Variants in ITGB8 observed in about 807,000 individuals in gnomAD.
ITGB8 encodes integrin beta-8.
A neutral mutation model predicts 89.5 loss-of-function variants in ITGB8; 30 were observed. That is an observed-to-expected ratio of 0.34 (90% CI 0.25 to 0.45). The LOEUF is 0.45. ITGB8 is among the 20% of genes least tolerant of loss of function. The pLI is 1.00. For missense variants in ITGB8, 836 were observed against 933.3 expected, an observed-to-expected ratio of 0.90 and a Z score of 1.36; for synonymous variants, 335 against 320.4, an observed-to-expected ratio of 1.05 and a Z score of -0.49.
In ITGB8 at chr7:20,331,909, C is replaced by T; in HGVS notation, c.103C>T (p.Leu35Phe). Residue 35 changes from leucine to phenylalanine, a missense_variant, in exon 1 of 14, where the codon CTT becomes TTT. By Grantham distance (22) the Leu-to-Phe change is conservative (BLOSUM62 0). Coordinates refer to ENST00000222573, the MANE Select transcript of ITGB8 (RefSeq NM_002214.3). The part of the protein sequence containing the change: ...SFLWAAWVFS[L>F]VLGLGQGEDN... Reference sequence around the variant, plus strand: ...CCTCTGGGCAGCCTGGGTGTTTTCACTTGTTCTTGGACTGGGCCAAGGTGG... The same window carrying T: ...CCTCTGGGCAGCCTGGGTGTTTTCATTTGTTCTTGGACTGGGCCAAGGTGG... 4 of 1,614,202 alleles carry T rather than the reference C, an allele frequency of 2.5e-6. No homozygotes were observed. Among genetic ancestry groups the T allele is most frequent in the Non-Finnish European group, 3.4e-6 (4 of 1,180,044 alleles).
chr7:20,366,361 T>C (rs552313422), intron 2 of ITGB8: 26 of 152,254 alleles, frequency 1.7e-4, no homozygotes, highest in African/African-American at 5.3e-4. Flanking sequence ...TCTGTGCAAA[T>C]TGCTATGTTT....
In ITGB8 at chr7:20,413,108, T is replaced by A. The variant is rs1787821187; in HGVS notation, c.*3111T>A. 6.6e-6 allele frequency: 1 copy of A among 152,124 alleles called. No homozygotes were observed. Among genetic ancestry groups the A allele is most frequent in the Non-Finnish European group, 1.5e-5 (1 of 67,962 alleles). 9.4% of individuals were successfully genotyped at this position (152,124 alleles called of 1,614,324 possible). On this transcript the variant is annotated 3_prime_UTR_variant, in exon 14 of 14. Coordinates refer to ENST00000222573, the MANE Select transcript of ITGB8 (RefSeq NM_002214.3). The stretch of plus-strand genomic sequence containing the variant: ...ACCATTGCACTGCAGTGCACACGTA[T>A]TTATAAACATTTGTTATATTTTTGG...
rs1787863774 is a variant in ITGB8 at position 20,414,340 on chromosome 7, C to T, written c.*4343C>T. The T allele has an allele frequency of 6.6e-6, 1 of 152,090 alleles. No individual in the cohort carries two copies. The highest frequency in any genetic ancestry group is 1.5e-5 in the Non-Finnish European group (1 of 67,964). The allele number at this position is 152,090 out of a possible 1,614,324, so 9.4% of individuals were successfully genotyped here. On this transcript the variant is annotated 3_prime_UTR_variant, in exon 14 of 14. Coordinates refer to ENST00000222573, the MANE Select transcript of ITGB8 (RefSeq NM_002214.3). Reference sequence around the variant, plus strand: ...AGTTTACAAAAGCTCTTTCAGGTCCCCATTTATACTTTACGTGAGTGCGAA... The same window carrying T: ...AGTTTACAAAAGCTCTTTCAGGTCCTCATTTATACTTTACGTGAGTGCGAA...
At chr7:20,401,174 T>C (rs1166386441) in intron 9 of ITGB8, among the ~76,000 whole-genome samples, 1 of 152,098 alleles carries the variant, frequency 6.6e-6, no homozygotes, top group Non-Finnish European at 1.5e-5. Context: ...AGATAGGGTT[T>C]CACCATGTTG....
chr7:20,382,118 A>G (rs1359231777), intron 6 of ITGB8: 3 of 391,170 alleles, frequency 7.7e-6, no homozygotes, highest in Non-Finnish European at 1.4e-5. Context: ...GATGAATGAC[A>G]AAGCACTGTA....
At chr7:20,396,888 C>A (rs1787104266) in intron 8 of ITGB8, among the ~76,000 whole-genome samples, 1 of 152,064 alleles carries the variant, frequency 6.6e-6, no homozygotes, top group Admixed American at 6.5e-5. Flanking sequence ...TTCTCATCAA[C>A]CGTAAACAGT....
intron 1 of ITGB8, among the ~76,000 whole-genome samples, chr7:20,357,792 C>T (rs1219162184): frequency 6.6e-6 from 1 of 152,196 alleles, no homozygotes; most frequent in Non-Finnish European, 1.5e-5. Context: ...CCTCATCACA[C>T]CTGTTGTCAA....
chr7:20,361,931 C>T (rs1785517143), intron 1 of ITGB8, among the ~76,000 whole-genome samples: 1 of 151,990 alleles, frequency 6.6e-6, no homozygotes, highest in South Asian at 2.1e-4. Flanking sequence ...AAGTTTTGGA[C>T]AATGTATACA....
intron 6 of ITGB8, among the ~76,000 whole-genome samples, chr7:20,382,879 G>A (rs1786457129): frequency 6.6e-6 from 1 of 152,168 alleles, no homozygotes; most frequent in African/African-American, 2.4e-5. Flanking sequence ...TTTTCAAGTT[G>A]ACCAGCTTGG....
intron 3 of ITGB8, among the ~76,000 whole-genome samples, chr7:20,375,840 T>C (rs1278883488): frequency 4.7e-5 from 5 of 105,518 alleles, no homozygotes; most frequent in Non-Finnish European, 9.5e-5. Context: ...CATATAACTG[T>C]TTATAATACC....
rs557642791 is a variant in ITGB8, at chr7:20,414,010, T to C, written c.*4013T>C. 6.6e-6 allele frequency: 1 copy of C among 152,296 alleles called. No individual in the cohort carries two copies. Among genetic ancestry groups the C allele is most frequent in the East Asian group, 1.9e-4 (1 of 5,196 alleles). The allele number at this position is 152,296 out of a possible 1,614,324, so 9.4% of individuals were successfully genotyped here. On this transcript the variant is annotated 3_prime_UTR_variant, in exon 14 of 14. Coordinates refer to ENST00000222573, the MANE Select transcript of ITGB8 (RefSeq NM_002214.3). Reference sequence around the variant, plus strand: ...GCAAATTTTTATGTATAACTGATTATACATATCCATATTTATATTTCATTG... The same window carrying C: ...GCAAATTTTTATGTATAACTGATTACACATATCCATATTTATATTTCATTG...
chr7:20,342,331 A>T (rs973838352), intron 1 of ITGB8, among the ~76,000 whole-genome samples: 1 of 152,190 alleles, frequency 6.6e-6, no homozygotes, highest in African/African-American at 2.4e-5. Flanking sequence ...ATATAGAATT[A>T]CCTCAACGTT....
chr7:20,332,004 G>A (rs1318844116), intron 1 of ITGB8, 71 bp downstream of exon 1: 2 of 1,560,828 alleles, frequency 1.3e-6, no homozygotes, highest in African/African-American at 1.4e-5. Context: ...AGAGCTGCCC[G>A]GCCAGAGCAT....
At position 20,415,647 on chromosome 7, in the gene ITGB8, G is replaced by A. The variant is rs1008876252; in HGVS notation, c.*5650G>A. ...GTGAGATGTTTATTTTTCTAACAGA[G>A]CTTATAACAGTTAGGACAAGGCATT... On this transcript the variant is annotated 3_prime_UTR_variant, in exon 14 of 14. Coordinates refer to ENST00000222573, the MANE Select transcript of ITGB8 (RefSeq NM_002214.3). 2 of 152,524 alleles carry A rather than the reference G, an allele frequency of 1.3e-5. No individual in the cohort carries two copies. Among genetic ancestry groups the A allele is most frequent in the African/African-American group, 4.8e-5 (2 of 41,424 alleles). 9.4% of individuals were successfully genotyped at this position (152,524 alleles called of 1,614,324 possible). A position where few individuals can be genotyped will look rare whatever the true frequency, so the allele number is the denominator to read the frequency against.
intron 8 of ITGB8, among the ~76,000 whole-genome samples, chr7:20,397,387 G>C (rs553804079): frequency 6.6e-6 from 1 of 151,946 alleles, no homozygotes; most frequent in Non-Finnish European, 1.5e-5. Context: ...ACGCACACCC[G>C]GCTAATTTTT....
At chr7:20,360,472 T>C (rs1785458194) in intron 1 of ITGB8, among the ~76,000 whole-genome samples, 1 of 148,996 alleles carries the variant, frequency 6.7e-6, no homozygotes, top group Admixed American at 6.7e-5. Context: ...CATTACACAA[T>C]AGGTAATTTT....
chr7:20,376,175 A>G (rs116664757), intron 3 of ITGB8, among the ~76,000 whole-genome samples: 1,796 of 152,288 alleles, frequency 0.012, 36 homozygotes, highest in African/African-American at 0.041. Context: ...TCCATGGTCT[A>G]TCAGGACATT....
Position 20,387,585 on chromosome 7 carries a change from A to G in ITGB8, c.961-3818A>G, listed in dbSNP as rs180846305. On this transcript the variant is annotated intron_variant, in intron 6 of 13. Transcript: ENST00000222573. ...CTCAACTGGAGTGATTTTACCCTCCAGAGGACAATTTCATCAAGTTATGAC... is the reference window on the plus strand; with the variant it reads ...CTCAACTGGAGTGATTTTACCCTCCGGAGGACAATTTCATCAAGTTATGAC... Among the ~76,000 whole-genome samples, 21 of 152,346 alleles carry G rather than the reference A, an allele frequency of 1.4e-4. No homozygotes were observed. The East Asian group carries it at 2.7e-3, about 20-fold the overall frequency.
chr7:20,381,439 G>A (rs6944729), intron 5 of ITGB8: 82,002 of 208,524 alleles, frequency 0.39, 16,802 homozygotes, highest in Non-Finnish European at 0.43. Context: ...TGGGATTACA[G>A]GCATGAGCCA....
Sources: allele counts gnomAD v4.1 joint callset (sites outside exome capture counted in the v4.1 genomes callset), GRCh38; gene constraint gnomAD v4.1.1; transcripts MANE v1.5; gene names NCBI Gene and HGNC (gene_info 2026-07-23, HGNC 2026-07-21).